The following TECPR2 variants were observed in gnomAD, a reference collection of about 807,000 sequenced individuals.
TECPR2 encodes the protein tectonin beta-propeller repeat-containing protein 2.
A neutral mutation model predicts 138.1 loss-of-function variants in TECPR2; 65 were observed. That is an observed-to-expected ratio of 0.47 (90% CI 0.39 to 0.58). The LOEUF (loss-of-function observed/expected upper bound fraction) is 0.58, where lower values mean the gene tolerates loss of function less well. Ranked by LOEUF, TECPR2 falls within the 20% of genes least tolerant of loss-of-function variation. TECPR2 has a pLI of 0.00. For missense variants in TECPR2, 1,553 were observed against 1,824.5 expected, an observed-to-expected ratio of 0.85 and a Z score of 2.71; for synonymous variants, 746 against 749.8, an observed-to-expected ratio of 0.99 and a Z score of 0.08.
chr14:102,474,955 G>A (rs760374779), intron 17 of TECPR2, among the ~76,000 whole-genome samples: 14 of 152,168 alleles, frequency 9.2e-5, no homozygotes, highest in Non-Finnish European at 1.9e-4. Context: ...CAAGGTTCCT[G>A]GTCTCAGGGT....
At chr14:102,461,444 AATG>A (rs1890408054) in intron 16 of TECPR2, among the ~76,000 whole-genome samples, 1 of 152,224 alleles carries the variant, frequency 6.6e-6, no homozygotes, top group African/African-American at 2.4e-5. Flanking sequence ...TTTGTTTTAA[AATG>A]ATATGTTTAA....
intron 17 of TECPR2, among the ~76,000 whole-genome samples, chr14:102,491,364 T>G (rs1345433012): frequency 6.6e-6 from 1 of 152,224 alleles, no homozygotes; most frequent in Non-Finnish European, 1.5e-5. Context: ...TATAGGCACA[T>G]GCCACCATGC....
At chr14:102,487,083 G>C (rs1891044520) in intron 17 of TECPR2, among the ~76,000 whole-genome samples, 2 of 152,202 alleles carry the variant, frequency 1.3e-5, no homozygotes, top group Admixed American at 1.3e-4. Context: ...AGCTCAGCAT[G>C]TGTCAGTCTT....
Position 102,434,648 on chromosome 14 carries a change from A to T in TECPR2, c.1831A>T (p.Thr611Ser). Residue 611 changes from threonine to serine, a missense_variant, in exon 9 of 20, where the codon ACA becomes TCA. Thr to Ser is a moderately conservative substitution (Grantham distance 58). Transcript: ENST00000359520. Reference protein sequence around the residue: ...PCPADDGPNSTQLPFQEQDSS... With the variant: ...PCPADDGPNSSQLPFQEQDSS... ...TCCTGCAGATGATGGACCAAATAGC[A>T]CACAGTTACCCTTCCAAGAACAGGA... The T allele has an allele frequency of 1.2e-6, 2 of 1,601,676 alleles. No homozygotes were observed. The highest frequency in any genetic ancestry group is 1.7e-6 in the Non-Finnish European group (2 of 1,171,346).
intron 2 of TECPR2, among the ~76,000 whole-genome samples, chr14:102,393,942 T>C (rs1888248877): frequency 1.3e-5 from 2 of 152,246 alleles, no homozygotes; most frequent in South Asian, 2.1e-4. Flanking sequence ...GCAAAATCTC[T>C]AGTAAATCAT....
At chr14:102,444,876 C>T (rs746336969) in intron 12 of TECPR2, among the ~76,000 whole-genome samples, 3 of 152,114 alleles carry the variant, frequency 2.0e-5, no homozygotes, top group South Asian at 2.1e-4. Context: ...ACCTGGGAGG[C>T]GGAAGTTGCA....
chr14:102,366,803 G>A (rs1778501130), intron 1 of TECPR2, among the ~76,000 whole-genome samples: 1 of 152,218 alleles, frequency 6.6e-6, no homozygotes, highest in African/African-American at 2.4e-5. Context: ...TCTTGTAGGA[G>A]AGATGATTTT....
At chr14:102,485,926 C>T (rs557275266) in intron 17 of TECPR2, among the ~76,000 whole-genome samples, 3 of 152,324 alleles carry the variant, frequency 2.0e-5, no homozygotes, top group East Asian at 3.9e-4. Flanking sequence ...CTAGCCATGG[C>T]GCAGTCGTTG....
Position 102,493,223 on chromosome 14 carries a change from C to T in TECPR2, c.3790-3756C>T, listed in dbSNP as rs188147065. 6.0e-4 allele frequency among the ~76,000 whole-genome samples: 91 copies of T among 152,352 alleles called. 1 individual carries two copies. Among genetic ancestry groups the T allele is most frequent in the African/African-American group, 1.7e-3 (71 of 41,594 alleles). ...GCGTCTCAGCTCTGGGCCAGGACTA[C>T]GGGCAGTGTGTGGGGGAGTCCTGGC... On this transcript the variant is annotated intron_variant, in intron 17 of 19. Coordinates refer to ENST00000359520, the MANE Select transcript of TECPR2 (RefSeq NM_014844.5).
intron 17 of TECPR2, among the ~76,000 whole-genome samples, chr14:102,486,697 C>T (rs1282458831): frequency 2.0e-5 from 3 of 152,190 alleles, no homozygotes; most frequent in Non-Finnish European, 4.4e-5. Context: ...CCTCGTACCA[C>T]GGTCAGAGTC....
At chr14:102,367,507 A>G (rs75288176) in intron 1 of TECPR2, among the ~76,000 whole-genome samples, 6,069 of 152,208 alleles carry the variant, frequency 0.04, 138 homozygotes, top group Middle Eastern at 0.088. Flanking sequence ...CATATAATAT[A>G]TGGTGTTTTG....
intron 1 of TECPR2, among the ~76,000 whole-genome samples, chr14:102,364,131 T>G (rs528601833): frequency 6.6e-6 from 1 of 152,256 alleles, no homozygotes; most frequent in Non-Finnish European, 1.5e-5. Flanking sequence ...ACTTGTGGAC[T>G]GCCTCCTTGC....
intron 17 of TECPR2, among the ~76,000 whole-genome samples, chr14:102,484,376 T>C (rs191753408): frequency 9.8e-5 from 15 of 152,324 alleles, no homozygotes; most frequent in Admixed American, 9.8e-4. Context: ...GTTGTGTGTT[T>C]TCTGTCTAGT....
intron 2 of TECPR2, among the ~76,000 whole-genome samples, chr14:102,394,978 C>T (rs2139679016): frequency 6.6e-6 from 1 of 152,284 alleles, no homozygotes; most frequent in South Asian, 2.1e-4. Flanking sequence ...TGCTCCTAAT[C>T]GTGTTTGTCA....
At chr14:102,392,280 A>C (rs568807272) in intron 2 of TECPR2, among the ~76,000 whole-genome samples, 31 of 152,334 alleles carry the variant, frequency 2.0e-4, no homozygotes, top group Non-Finnish European at 3.5e-4. Context: ...GGCGTGAGCC[A>C]CTGCGCCTGG....
chr14:102,422,502 A>G (rs1051064119), intron 5 of TECPR2, among the ~76,000 whole-genome samples: 6 of 152,248 alleles, frequency 3.9e-5, no homozygotes, highest in Non-Finnish European at 8.8e-5. Context: ...TTAGTGCGAC[A>G]GCTTCTTTTT....
At chr14:102,412,863 G>C (rs1888921389) in intron 4 of TECPR2, among the ~76,000 whole-genome samples, 1 of 152,136 alleles carries the variant, frequency 6.6e-6, no homozygotes, top group South Asian at 2.1e-4. Context: ...GGGAGGCCAA[G>C]GCAGGATGAT....
chr14:102,385,601 C>T (rs1887975223), intron 2 of TECPR2, among the ~76,000 whole-genome samples: 1 of 152,082 alleles, frequency 6.6e-6, no homozygotes, highest in African/African-American at 2.4e-5. Flanking sequence ...TTACTGGATC[C>T]AGCACCATAG....
intron 5 of TECPR2, among the ~76,000 whole-genome samples, chr14:102,418,573 C>T (rs1489704606): frequency 6.6e-6 from 1 of 152,216 alleles, no homozygotes; most frequent in Non-Finnish European, 1.5e-5. Flanking sequence ...CTGTGTGGAG[C>T]ACGGTGTGGG....
Sources: allele counts gnomAD v4.1 joint callset (sites outside exome capture counted in the v4.1 genomes callset), GRCh38; gene constraint gnomAD v4.1.1; transcripts MANE v1.5; gene names NCBI Gene and HGNC (gene_info 2026-07-23, HGNC 2026-07-21).